The following CASK variants were observed in gnomAD, a reference collection of about 807,000 sequenced individuals.
The protein encoded by CASK is peripheral plasma membrane protein CASK.
CASK carries 4 observed loss-of-function variants against 82.9 expected under a neutral mutation model. That is an observed-to-expected ratio of 0.05 (90% CI 0.02 to 0.11). CASK has a LOEUF of 0.11. Among genes scored for constraint, CASK ranks in the 10% least tolerant of loss-of-function variants. The pLI, the probability that CASK is intolerant of heterozygous loss-of-function variation, is 1.00. For missense variants in CASK, 358 were observed against 720.9 expected (o/e 0.50, Z 5.76); for synonymous variants, 259 against 253.5 (o/e 1.02, Z -0.20).
Position 41,520,531 on chromosome X carries a change from G to A in CASK, c.2670C>T (p.Phe890=), listed in dbSNP as rs773214246. Residue 890 remains phenylalanine, a synonymous_variant, in exon 27 of 27, where the codon TTC becomes TTT. Transcript: ENST00000378163. The part of the protein sequence containing the change: ...DILQRTYAHY[F]DLTIINNEID... ...TTTCATTGTTGATAATTGTGAGATC[G>A]AAGTAGTGTGCATATGTTCTCTGTA... is the stretch of plus-strand genomic sequence containing the variant. 31 of 1,201,497 alleles carry A rather than the reference G, an allele frequency of 2.6e-5. No individual in the cohort carries two copies. The African/African-American group carries it at 3.3e-4, about 13-fold the overall frequency.
At chrX:41,788,210 C>T (rs1274218750) in intron 2 of CASK, among the ~76,000 whole-genome samples, 2 of 108,413 alleles carry the variant, frequency 1.8e-5, no homozygotes, top group African/African-American at 6.7e-5. Context: ...CTACCTACCT[C>T]ACAATGTTAC....
At chrX:41,866,868 A>G (rs1479509400) in intron 1 of CASK, among the ~76,000 whole-genome samples, 3 of 111,384 alleles carry the variant, frequency 2.7e-5, no homozygotes, top group Non-Finnish European at 5.7e-5. Flanking sequence ...GATGTTTCTC[A>G]ATCTTTTGGG....
At chrX:41,610,065 AGTCAAT>A (rs1300652557) in intron 11 of CASK, 40 bp from the exon 12 acceptor site, 18 of 1,187,926 alleles carry the variant, frequency 1.5e-5, no homozygotes, top group Non-Finnish European at 1.8e-5. Flanking sequence ...CAGTATAGAA[AGTCAAT>A]GTCAAACTAA....
chrX:41,647,314 C>G (rs2066775892), intron 8 of CASK, among the ~76,000 whole-genome samples: 1 of 112,172 alleles, frequency 8.9e-6, no homozygotes, highest in Non-Finnish European at 1.9e-5. Context: ...AGGACACCTT[C>G]TAGGTAAAGA....
chrX:41,887,731 C>G (rs1327950700), intron 1 of CASK, among the ~76,000 whole-genome samples: 3 of 110,798 alleles, frequency 2.7e-5, no homozygotes, highest in African/African-American at 9.8e-5. Context: ...TCTAATTACT[C>G]TAAGCCACTA....
At chrX:41,918,701 A>G (rs1192793277) in intron 1 of CASK, among the ~76,000 whole-genome samples, 1 of 112,841 alleles carries the variant, frequency 8.9e-6, no homozygotes, top group East Asian at 2.7e-4. Flanking sequence ...GATAAAATCC[A>G]TGTTTTAGCC....
intron 16 of CASK, among the ~76,000 whole-genome samples, chrX:41,569,230 C>T (rs931041277): frequency 2.7e-5 from 3 of 111,522 alleles, no homozygotes; most frequent in Non-Finnish European, 3.8e-5. Context: ...ATATCTTTTA[C>T]TCTAGAACAG....
intron 2 of CASK, among the ~76,000 whole-genome samples, chrX:41,799,013 T>C (rs2069931174): frequency 8.9e-6 from 1 of 111,920 alleles, no homozygotes; most frequent in East Asian, 2.8e-4. Flanking sequence ...ATGAACTTTA[T>C]AGGTTAGCTA....
intron 26 of CASK, chrX:41,522,055 G>A (rs899663523): frequency 9.0e-6 from 1 of 111,547 alleles, no homozygotes; most frequent in Admixed American, 9.5e-5. Flanking sequence ...TAAAAGATGC[G>A]GTACCTTCAA....
intron 1 of CASK, among the ~76,000 whole-genome samples, chrX:41,894,773 C>T (rs1201453992): frequency 1.8e-5 from 2 of 111,042 alleles, no homozygotes; most frequent in African/African-American, 3.3e-5. Context: ...GGCAGGGATG[C>T]TGGTGCTTAG....
chrX:41,909,330 C>G (rs953664308), intron 1 of CASK, among the ~76,000 whole-genome samples: 53 of 112,115 alleles, frequency 4.7e-4, no homozygotes, highest in African/African-American at 1.7e-3. Flanking sequence ...GTAAGTTCCA[C>G]ACATCAAAGC....
chrX:41,566,391 A>G (rs2065318626), intron 16 of CASK, among the ~76,000 whole-genome samples: 1 of 111,907 alleles, frequency 8.9e-6, no homozygotes, highest in Non-Finnish European at 1.9e-5. Flanking sequence ...GCAAAGTCTC[A>G]GGATACAAAA....
intron 2 of CASK, among the ~76,000 whole-genome samples, chrX:41,841,810 C>A (rs2071045519): frequency 8.9e-6 from 1 of 111,953 alleles, no homozygotes; most frequent in Non-Finnish European, 1.9e-5. Context: ...GCATGAGCCA[C>A]CACGCCTAGC....
At chrX:41,557,274 G>A (rs915084852) in intron 18 of CASK, among the ~76,000 whole-genome samples, 174 bp from the exon 19 acceptor site, 1 of 111,802 alleles carries the variant, frequency 8.9e-6, no homozygotes, top group African/African-American at 3.3e-5. Context: ...AAATTTTGCA[G>A]TTCGAAGGCT....
intron 21 of CASK, among the ~76,000 whole-genome samples, chrX:41,546,861 G>T: frequency 8.9e-6 from 1 of 112,154 alleles, no homozygotes; most frequent in East Asian, 2.8e-4. Context: ...AGGATATAGT[G>T]TAATGAAACC....
chrX:41,804,253 C>T (rs762332349), intron 2 of CASK, among the ~76,000 whole-genome samples: 8 of 110,862 alleles, frequency 7.2e-5, no homozygotes, highest in African/African-American at 2.6e-4. Context: ...GAAGCTGAGG[C>T]ATGATAACTG....
At chrX:41,624,008 C>A (rs1156327744) in intron 10 of CASK, among the ~76,000 whole-genome samples, 1 of 112,447 alleles carries the variant, frequency 8.9e-6, no homozygotes, top group Non-Finnish European at 1.9e-5. Flanking sequence ...CCATGCCCAG[C>A]CTTTAGCTCC....
chrX:41,821,604 C>T (rs1468790842), intron 2 of CASK, among the ~76,000 whole-genome samples: 1 of 112,189 alleles, frequency 8.9e-6, no homozygotes, highest in Non-Finnish European at 1.9e-5. Context: ...ACATTCAAAG[C>T]GGCTTTACTC....
chrX:41,629,115 T>C (rs1005772580), intron 9 of CASK, among the ~76,000 whole-genome samples: 4 of 111,917 alleles, frequency 3.6e-5, no homozygotes, highest in Non-Finnish European at 7.5e-5. Context: ...TTATCTGTCT[T>C]ATGACTAGCA....
Sources: gnomAD v4.1 joint callset for allele counts (sites outside exome capture counted in the v4.1 genomes callset) on GRCh38, gnomAD v4.1.1 for gene constraint, MANE v1.5 for transcripts, NCBI Gene and HGNC (gene_info 2026-07-23, HGNC 2026-07-21) for gene names.